Variants in BAG6 observed in about 807,000 individuals in gnomAD.
The protein encoded by BAG6 is large proline-rich protein BAG6.
BAG6 carries 22 observed loss-of-function variants against 121.0 expected under a neutral mutation model. The ratio of observed to expected loss-of-function variants is 0.18; its 90% CI spans 0.13 to 0.26. The LOEUF is 0.26. Ranked by LOEUF, BAG6 falls within the 10% of genes least tolerant of loss-of-function variation. The pLI, the probability that BAG6 is intolerant of heterozygous loss-of-function variation, is 1.00. For synonymous variants in BAG6, 583 were observed against 584.6 expected (o/e 1.00, Z 0.04); for missense variants, 1,233 against 1,537.7 (o/e 0.80, Z 3.31).
chr6:31,641,434 G>T lies in BAG6; in HGVS notation c.2560-12C>A, dbSNP rs1461895036. 5 of 1,614,144 alleles carry T rather than the reference G, an allele frequency of 3.1e-6. No individual in the cohort carries two copies. The highest frequency in any genetic ancestry group is 4.2e-6 in the Non-Finnish European group (5 of 1,180,014). On this transcript the variant is annotated splice_polypyrimidine_tract_variant and intron_variant, in intron 18 of 25. Coordinates refer to ENST00000676615, the MANE Select transcript of BAG6 (RefSeq NM_001387994.1). The surrounding 1 kb of genome is among the most constrained non-coding windows in gnomAD (Gnocchi z 5.7). ...ACCTGCACCAAGGACTGAGAGACAA[G>T]ATAACACAAAGATCCCAAAATCAAG...
chr6:31,644,728 C>T lies in BAG6; in HGVS notation c.1370-126G>A. 1 of 1,273,170 alleles carries T rather than the reference C, an allele frequency of 7.9e-7. No homozygotes were observed. 78.9% of individuals were successfully genotyped at this position (1,273,170 alleles called of 1,614,324 possible). A position where few individuals can be genotyped will look rare whatever the true frequency, so the allele number is the denominator to read the frequency against. ...TCAGAAAGCCTGCCTTTCCCTCCAT[C>T]TAAACAGGGAGAGGTACTCCCTTCA... On this transcript the variant is annotated intron_variant, in intron 10 of 25. Transcript: ENST00000676615. This position sits in a 1 kb window ranked among gnomAD's most constrained non-coding sequence, Gnocchi z 4.9.
intron 1 of BAG6, 196 bp from the exon 2 acceptor site, chr6:31,651,972 G>A: frequency 1.9e-6 from 1 of 523,912 alleles, no homozygotes; most frequent in Non-Finnish European, 3.5e-6. Flanking sequence ...CGACGGCTTA[G>A]GGAGCTGGAG....
Position 31,645,149 on chromosome 6 carries a change from G to T in BAG6, c.1166C>A (p.Pro389His). Residue 389 changes from proline (P) to histidine (H), a missense_variant, in exon 10 of 26, where the codon CCC (proline) becomes CAC (histidine). By Grantham distance (77) the Pro-to-His change is moderately conservative (BLOSUM62 -2). This residue lies in a region of BAG6 where 777 missense variants were observed against 861.4 expected (regional missense o/e 0.90). Coordinates refer to ENST00000676615, the MANE Select transcript of BAG6 (RefSeq NM_001387994.1). ...AGGTGCCTCTGCATTGGGAGTTGGGGGGGGCCGAGTCCCATTTCCTGTCAT... is the reference window on the plus strand; with the variant it reads ...AGGTGCCTCTGCATTGGGAGTTGGGTGGGGCCGAGTCCCATTTCCTGTCAT... ...VTMTGNGTRP[P>H]PTPNAEAPPP... The T allele has an allele frequency of 6.2e-7, 1 of 1,612,890 alleles. No homozygotes were observed.
Position 31,641,805 on chromosome 6 carries a change from C to A in BAG6, c.2476G>T (p.Gly826Cys). 6.2e-7 allele frequency: 1 copy of A among 1,613,118 alleles called. No homozygotes were observed. Among genetic ancestry groups the A allele is most frequent in the Non-Finnish European group, 8.5e-7 (1 of 1,180,020 alleles). ...RSFFHQHYLG[G>C]QEPTPSNIRM... The stretch of plus-strand genomic sequence containing the variant: ...ATGTTACTGGGTGTGGGCTCCTGAC[C>A]ACCCAGGTAGTGCTGGTGGAAGAAG... Residue 826 changes from glycine (G) to cysteine (C), a missense_variant, in exon 17 of 26, where the codon GGT (glycine) becomes TGT (cysteine). Physicochemically the swap from Gly to Cys is radical, Grantham distance 159 (BLOSUM62 -3). Coordinates refer to ENST00000676615, the MANE Select transcript of BAG6 (RefSeq NM_001387994.1). The surrounding 1 kb of genome is among the most constrained non-coding windows in gnomAD (Gnocchi z 5.7).
chr6:31,643,266 G>A, intron 14 of BAG6, 151 bp from the exon 15 acceptor site: 1 of 753,966 alleles, frequency 1.3e-6, no homozygotes, highest in Non-Finnish European at 2.1e-6. Context: ...AAAAAAAAAA[G>A]ACAATTACTA....
chr6:31,641,804 C>A lies in BAG6; in HGVS notation c.2477G>T (p.Gly826Val). The change falls in exon 17 of 26, where the codon GGT (glycine) becomes GTT (valine). Residue 826 changes from glycine (G) to valine (V), a missense_variant. Gly to Val is a moderately radical substitution (Grantham distance 109). Coordinates refer to ENST00000676615, the MANE Select transcript of BAG6 (RefSeq NM_001387994.1). The surrounding 1 kb of genome is among the most constrained non-coding windows in gnomAD (Gnocchi z 5.7). ...GATGTTACTGGGTGTGGGCTCCTGA[C>A]CACCCAGGTAGTGCTGGTGGAAGAA... ...RSFFHQHYLG[G>V]QEPTPSNIRM... 1 of 1,613,142 alleles carries A rather than the reference C, an allele frequency of 6.2e-7. No homozygotes were observed. The highest frequency in any genetic ancestry group is 8.5e-7 in the Non-Finnish European group (1 of 1,180,002).
Position 31,641,892 on chromosome 6 carries a change from C to G in BAG6, c.2389G>C (p.Val797Leu). The G allele has an allele frequency of 6.2e-7, 1 of 1,612,970 alleles. No individual in the cohort carries two copies. Among genetic ancestry groups the G allele is most frequent in the Non-Finnish European group, 8.5e-7 (1 of 1,180,026 alleles). The stretch of plus-strand genomic sequence containing the variant: ...AAATGCCCATGGAGAAGCATCACTA[C>G]GTCCACCATAGAGAAGTTCTGGCAC... The part of the protein sequence containing the change: ...LLCQNFSMVD[V>L]VMLLHGHFQP... Residue 797 changes from valine (V) to leucine (L), a missense_variant, in exon 17 of 26, where the codon GTA becomes CTA. By Grantham distance (32) the Val-to-Leu change is conservative. This residue lies in a region of BAG6 where 288 missense variants were observed against 483.1 expected (regional missense o/e 0.60). Transcript: ENST00000676615. The surrounding 1 kb of genome is among the most constrained non-coding windows in gnomAD (Gnocchi z 5.7).
intron 2 of BAG6, among the ~76,000 whole-genome samples, chr6:31,651,317 T>C (rs1267877798): frequency 6.6e-6 from 1 of 152,144 alleles, no homozygotes; most frequent in African/African-American, 2.4e-5. Flanking sequence ...GGAGGGCACA[T>C]CACCTGAGGT....
At chr6:31,642,083 G>A (rs1280412381) in intron 16 of BAG6, 29 bp downstream of exon 16, 2 of 1,604,826 alleles carry the variant, frequency 1.2e-6, no homozygotes, top group Non-Finnish European at 1.7e-6. Context: ...CCCCTTCCTG[G>A]AGCAAGCCAA....
At chr6:31,651,993 G>A in intron 1 of BAG6, 3 of 498,894 alleles carry the variant, frequency 6.0e-6, no homozygotes, top group Middle Eastern at 1.1e-3. Context: ...GACGAGAGGT[G>A]GGAGGGGCTC....
At position 31,645,099 on chromosome 6, in the gene BAG6, A is replaced by C; in HGVS notation, c.1216T>G (p.Ser406Ala). 1 of 1,612,968 alleles carries C rather than the reference A, an allele frequency of 6.2e-7. No individual in the cohort carries two copies. Among genetic ancestry groups the C allele is most frequent in the Non-Finnish European group, 8.5e-7 (1 of 1,180,012 alleles). Reference protein sequence around the residue: ...APPPGPGQASSVAPSSTNVES... With the variant: ...APPPGPGQASAVAPSSTNVES... ...ACATTGGTAGAAGACGGAGCCACGG[A>C]TGAGGCCTGCCCAGGACCAGGGGGA... Residue 406 changes from serine to alanine, a missense_variant, in exon 10 of 26, where the codon TCC becomes GCC. Physicochemically the swap from Ser to Ala is moderately conservative, Grantham distance 99 (BLOSUM62 1). This residue lies in a region of BAG6 where 777 missense variants were observed against 861.4 expected (regional missense o/e 0.90). Coordinates refer to ENST00000676615, the MANE Select transcript of BAG6 (RefSeq NM_001387994.1).
rs1469344250 is a variant in BAG6, at chr6:31,645,412, T to C, written c.1111A>G (p.Ile371Val). Residue 371 changes from isoleucine to valine, a missense_variant, in exon 9 of 26, where the codon ATA becomes GTA. Physicochemically the swap from Ile to Val is conservative, Grantham distance 29. Coordinates refer to ENST00000676615, the MANE Select transcript of BAG6 (RefSeq NM_001387994.1). ...PMVLQQAAIP[I>V]QINVGTTVTM... ...CCAGACTCCCCCTAACCCACCTGTA[T>C]GGGAATGGCTGCCTGCTGGAGCACC... 2.4e-5 allele frequency: 39 copies of C among 1,613,036 alleles called. No individual in the cohort carries two copies. Among genetic ancestry groups the C allele is most frequent in the Non-Finnish European group, 3.2e-5 (38 of 1,180,022 alleles).
chr6:31,649,153 AC>A, intron 4 of BAG6, 45 bp downstream of exon 4: 2 of 1,607,570 alleles, frequency 1.2e-6, no homozygotes, highest in Non-Finnish European at 1.7e-6. Context: ...TGCTACCACA[AC>A]CAAAGCTACC....
chr6:31,649,166 A>C (rs1793558165), intron 4 of BAG6, 33 bp downstream of exon 4: 4 of 1,611,724 alleles, frequency 2.5e-6, no homozygotes, highest in Non-Finnish European at 2.5e-6. Context: ...AAAGCTACCC[A>C]CAAAAGCCCT....
chr6:31,640,152 G>A lies in BAG6; in HGVS notation c.3246+47C>T, dbSNP rs370667680. On this transcript the variant is annotated intron_variant, in intron 24 of 25. Coordinates refer to ENST00000676615, the MANE Select transcript of BAG6 (RefSeq NM_001387994.1). This position sits in a 1 kb window ranked among gnomAD's most constrained non-coding sequence, Gnocchi z 4.2. ...TACATAGTTTGATTCCAGGCATGAC[G>A]GGGAAACCTGGATAGAGAGAGAGGC... The A allele has an allele frequency of 1.0e-4, 160 of 1,570,490 alleles. No individual in the cohort carries two copies. Among genetic ancestry groups the A allele is most frequent in the East Asian group, 3.1e-4 (14 of 44,650 alleles).
Position 31,642,911 on chromosome 6 carries a change from C to T in BAG6, c.1961G>A (p.Gly654Glu). 2 of 1,611,322 alleles carry T rather than the reference C, an allele frequency of 1.2e-6. No homozygotes were observed. Among genetic ancestry groups the T allele is most frequent in the Non-Finnish European group, 1.7e-6 (2 of 1,178,948 alleles). The part of the protein sequence containing the change: ...LLGPAGPGAG[G>E]SGVASPTITV... ...GATGGTGGGAGAAGCCACACCAGAC[C>T]CTCCAGCCCCTGGCCCTGCAGGCCC... is the stretch of plus-strand genomic sequence containing the variant. The change falls in exon 15 of 26, where the codon GGG (glycine) becomes GAG (glutamate). Residue 654 changes from glycine to glutamate, a missense_variant. This residue lies in a region of BAG6 where 777 missense variants were observed against 861.4 expected (regional missense o/e 0.90). Coordinates refer to ENST00000676615, the MANE Select transcript of BAG6 (RefSeq NM_001387994.1).
At position 31,652,466 on chromosome 6, in the gene BAG6, G is replaced by GA. The variant is rs2151105742; in HGVS notation, c.-57dup. On this transcript the variant is annotated 5_prime_UTR_variant, in exon 1 of 26. Coordinates refer to ENST00000676615, the MANE Select transcript of BAG6 (RefSeq NM_001387994.1). ...TTCCGTTTCCCCGATAGTATTTGGG[G>GA]ATCTCGAAGCGATACTTCCGGCTCC... The GA allele has an allele frequency of 6.6e-6, 1 of 152,444 alleles. No homozygotes were observed. The highest frequency in any genetic ancestry group is 2.4e-5 in the African/African-American group (1 of 41,540). 9.4% of individuals were successfully genotyped at this position (152,444 alleles called of 1,614,324 possible). A position where few individuals can be genotyped will look rare whatever the true frequency, so the allele number is the denominator to read the frequency against.
At chr6:31,647,114 G>A (rs1790561765) in intron 7 of BAG6, among the ~76,000 whole-genome samples, 1 of 151,948 alleles carries the variant, frequency 6.6e-6, no homozygotes, top group East Asian at 1.9e-4. Context: ...TGTTGGCCAG[G>A]CTGGTCTCGA....
At chr6:31,645,296 A>C in intron 9 of BAG6, 98 bp from the exon 10 acceptor site, 1 of 1,605,386 alleles carries the variant, frequency 6.2e-7, no homozygotes, top group Non-Finnish European at 8.5e-7. Context: ...AGCCTTCATC[A>C]CCATGTTTCC....
Sources: gnomAD v4.1 joint callset for allele counts (sites outside exome capture counted in the v4.1 genomes callset) on GRCh38, gnomAD v4.1.1 for gene constraint, gnomAD v4.1.1 regional missense constraint, Gnocchi (gnomAD v3.1) non-coding constraint, MANE v1.5 for transcripts, NCBI Gene and HGNC (gene_info 2026-07-23, HGNC 2026-07-21) for gene names.